Variants in AGBL1 observed in about 807,000 individuals in gnomAD.
The protein encoded by AGBL1 is AGBL carboxypeptidase 1.
AGBL1 carries 130 observed loss-of-function variants against 118.9 expected under a neutral mutation model. That is an observed-to-expected ratio of 1.09 (90% CI 0.95 to 1.26). AGBL1 has a LOEUF of 1.26. Among genes scored for constraint, AGBL1 ranks in the 50% most tolerant of loss-of-function variants. The pLI is 0.00. For synonymous variants in AGBL1, 555 were observed against 478.9 expected (o/e 1.16, Z -2.08); for missense variants, 1,584 against 1,298.1 (o/e 1.22, Z -3.38).
At chr15:87,021,919 A>C (rs2081668637) in intron 24 of AGBL1, among the ~76,000 whole-genome samples, 1 of 152,124 alleles carries the variant, frequency 6.6e-6, no homozygotes, top group African/African-American at 2.4e-5. Flanking sequence ...GACATGCCAA[A>C]TACTCTGCTG....
At chr15:86,142,270 T>G (rs1026463955) in intron 2 of AGBL1, among the ~76,000 whole-genome samples, 1 of 152,192 alleles carries the variant, frequency 6.6e-6, no homozygotes. Flanking sequence ...CTCAGTCTTC[T>G]CACCCGACAC....
At chr15:87,026,891 A>C (rs1204114438) in intron 24 of AGBL1, among the ~76,000 whole-genome samples, 1 of 152,088 alleles carries the variant, frequency 6.6e-6, no homozygotes, top group East Asian at 1.9e-4. Flanking sequence ...CAGGAATGGA[A>C]AACCAAACAT....
At chr15:86,848,826 TA>T (rs1244710762) in intron 22 of AGBL1, among the ~76,000 whole-genome samples, 3 of 152,174 alleles carry the variant, frequency 2.0e-5, no homozygotes, top group African/African-American at 7.2e-5. Flanking sequence ...GCAATATACA[TA>T]GGGGAAAAGG....
At chr15:86,808,329 A>G (rs922307749) in intron 22 of AGBL1, among the ~76,000 whole-genome samples, 4 of 152,156 alleles carry the variant, frequency 2.6e-5, no homozygotes, top group Non-Finnish European at 4.4e-5. Flanking sequence ...ACTTCAGAAA[A>G]CAGCTTTCAG....
intron 23 of AGBL1, among the ~76,000 whole-genome samples, chr15:86,972,924 G>A (rs1381219774): frequency 6.6e-6 from 1 of 151,914 alleles, no homozygotes; most frequent in Non-Finnish European, 1.5e-5. Context: ...AATTTCTGGA[G>A]TAGCCATCTG....
chr15:86,952,094 G>A (rs866467423), intron 23 of AGBL1, among the ~76,000 whole-genome samples: 21 of 152,140 alleles, frequency 1.4e-4, no homozygotes, highest in Middle Eastern at 6.8e-3. Flanking sequence ...AGTTGTGTGT[G>A]GTGGCAGGTG....
intron 22 of AGBL1, among the ~76,000 whole-genome samples, chr15:86,702,158 T>C (rs985312278): frequency 1.3e-5 from 2 of 152,114 alleles, no homozygotes; most frequent in Middle Eastern, 3.2e-3. Flanking sequence ...CAAAGAAATA[T>C]AGACATGAGT....
chr15:86,695,752 G>T (rs887939427), intron 22 of AGBL1, among the ~76,000 whole-genome samples: 5 of 151,834 alleles, frequency 3.3e-5, no homozygotes, highest in Non-Finnish European at 5.9e-5. Context: ...GTTCCTCTTA[G>T]CACCATCTTT....
intron 24 of AGBL1, among the ~76,000 whole-genome samples, chr15:87,018,376 C>A (rs2081628749): frequency 6.6e-6 from 1 of 152,036 alleles, no homozygotes; most frequent in Non-Finnish European, 1.5e-5. Flanking sequence ...AAGGCCAGGT[C>A]ACCTACAAAG....
chr15:86,757,087 T>C (rs1319087708), intron 22 of AGBL1, among the ~76,000 whole-genome samples: 2 of 152,076 alleles, frequency 1.3e-5, no homozygotes, highest in Non-Finnish European at 2.9e-5. Context: ...AAAAACAGTA[T>C]ACGATTTTCT....
chr15:86,309,320 T>C (rs2079885958), intron 17 of AGBL1, among the ~76,000 whole-genome samples: 1 of 152,114 alleles, frequency 6.6e-6, no homozygotes, highest in African/African-American at 2.4e-5. Context: ...GTCTTTAGAG[T>C]TTTCTACATA....
chr15:86,533,688 A>G (rs1948679239), intron 19 of AGBL1, among the ~76,000 whole-genome samples: 2 of 127,738 alleles, frequency 1.6e-5, no homozygotes, highest in South Asian at 5.2e-4. Flanking sequence ...CATTATTCAC[A>G]ATAGCAAAGA....
chr15:86,917,888 G>A (rs913653475), downstream of AGBL1, among the ~76,000 whole-genome samples: 6 of 152,064 alleles, frequency 3.9e-5, no homozygotes, highest in African/African-American at 1.4e-4. The surrounding 1 kb of genome is among the most constrained non-coding windows in gnomAD (Gnocchi z 4.8). Context: ...GTCCAGGATT[G>A]AATTTTAAGT....
intron 19 of AGBL1, among the ~76,000 whole-genome samples, chr15:86,530,195 T>C (rs2083329435): frequency 7.1e-6 from 1 of 141,374 alleles, no homozygotes. Context: ...CCCATCAGTG[T>C]GGTGTATTCA....
intron 19 of AGBL1, among the ~76,000 whole-genome samples, chr15:86,539,196 A>G (rs2083462935): frequency 6.6e-6 from 1 of 152,222 alleles, no homozygotes; most frequent in Non-Finnish European, 1.5e-5. Flanking sequence ...AGATGAAACT[A>G]CACAAAGTCT....
At chr15:86,118,731 G>C (rs1445712664) in intron 1 of AGBL1, among the ~76,000 whole-genome samples, 6 of 152,078 alleles carry the variant, frequency 3.9e-5, no homozygotes, top group Non-Finnish European at 1.5e-5. Flanking sequence ...AGTCAAACAA[G>C]GGTAAGGAGG....
intron 17 of AGBL1, among the ~76,000 whole-genome samples, chr15:86,377,486 C>T (rs1247512244): frequency 6.6e-6 from 1 of 152,176 alleles, no homozygotes; most frequent in East Asian, 1.9e-4. Flanking sequence ...CAGTATCAGA[C>T]TCCTAAAATG....
rs1201179149 is a variant in AGBL1, at chr15:86,143,943, G to C, written c.262+98G>C. On this transcript the variant is annotated intron_variant, in intron 3 of 22. Transcript: ENST00000614907. ...AAGCTTTGGTGGAGTAGCACAGGGAGAAAGCGTCAGGGAGGTTCTGGACAA... is the reference window on the plus strand; with the variant it reads ...AAGCTTTGGTGGAGTAGCACAGGGACAAAGCGTCAGGGAGGTTCTGGACAA... The C allele has an allele frequency of 3.5e-6, 5 of 1,422,396 alleles. No individual in the cohort carries two copies. In the African/African-American group the frequency reaches 4.3e-5, roughly 12 times the overall value. 88.1% of individuals were successfully genotyped at this position (1,422,396 alleles called of 1,614,324 possible).
chr15:86,212,495 T>C (rs1245705589), intron 5 of AGBL1, among the ~76,000 whole-genome samples: 1 of 152,158 alleles, frequency 6.6e-6, no homozygotes, highest in Non-Finnish European at 1.5e-5. Context: ...ATGAGAGAAA[T>C]TCCCTTTCAA....
Sources: gnomAD v4.1 joint callset for allele counts (sites outside exome capture counted in the v4.1 genomes callset) on GRCh38, gnomAD v4.1.1 for gene constraint, Gnocchi (gnomAD v3.1) non-coding constraint, MANE v1.5 for transcripts, NCBI Gene and HGNC (gene_info 2026-07-23, HGNC 2026-07-21) for gene names.